The following SLC4A4 variants were observed in gnomAD, a reference collection of about 807,000 sequenced individuals.
SLC4A4 encodes the protein solute carrier family 4 member 4.
In SLC4A4, 27 loss-of-function variants were observed where a neutral mutation model predicts 111.5. That is an observed-to-expected ratio of 0.24 (90% confidence interval 0.18 to 0.33). The LOEUF is 0.33. Ranked by LOEUF, SLC4A4 falls within the 10% of genes least tolerant of loss-of-function variation. The pLI is 1.00. For missense variants in SLC4A4, 909 were observed against 1,315.5 expected (o/e 0.69, Z 4.78); for synonymous variants, 443 against 463.4 (o/e 0.96, Z 0.57).
intron 8 of SLC4A4, among the ~76,000 whole-genome samples, chr4:71,443,110 C>CTA (rs1560512879): frequency 8.9e-5 from 9 of 101,020 alleles, no homozygotes; most frequent in Non-Finnish European, 1.3e-4. Context: ...CTCTCTCTCT[C>CTA]TCTCTCTATA....
chr4:71,077,954 T>C (rs1057191062), intron 1 of SLC4A4, among the ~76,000 whole-genome samples: 1 of 152,164 alleles, frequency 6.6e-6, no homozygotes, highest in East Asian at 1.9e-4. Context: ...AATGAAAACA[T>C]ATTTATTTAA....
chr4:71,391,480 T>C (rs1719258449), intron 6 of SLC4A4, among the ~76,000 whole-genome samples: 2 of 152,104 alleles, frequency 1.3e-5, no homozygotes, highest in Non-Finnish European at 2.9e-5. Flanking sequence ...CAAAGGACTT[T>C]AAATTGCTAC....
intron 6 of SLC4A4, among the ~76,000 whole-genome samples, chr4:71,395,031 C>T (rs922672826): frequency 5.3e-5 from 8 of 152,054 alleles, no homozygotes; most frequent in Admixed American, 1.3e-4. Flanking sequence ...ACAGAACTTA[C>T]GTAGCCAAAT....
intron 2 of SLC4A4, among the ~76,000 whole-genome samples, chr4:71,121,893 A>G (rs1743439437): frequency 6.6e-6 from 1 of 151,898 alleles, no homozygotes; most frequent in African/African-American, 2.4e-5. Context: ...CTGCAGGTTC[A>G]CTCCTGAGGC....
At chr4:71,142,114 C>A (rs1190974780) in intron 2 of SLC4A4, among the ~76,000 whole-genome samples, 2 of 152,152 alleles carry the variant, frequency 1.3e-5, no homozygotes, top group South Asian at 2.1e-4. Flanking sequence ...AGTAAGAAAA[C>A]TTCTGATACA....
intron 1 of SLC4A4, among the ~76,000 whole-genome samples, chr4:71,067,669 T>C (rs1741555930): frequency 6.6e-6 from 1 of 152,186 alleles, no homozygotes; most frequent in East Asian, 1.9e-4. Flanking sequence ...CAGGCCTAAA[T>C]AGGTTGTGAC....
intron 2 of SLC4A4, among the ~76,000 whole-genome samples, chr4:71,178,690 C>T (rs6822401): frequency 9.2e-5 from 14 of 152,182 alleles, no homozygotes; most frequent in African/African-American, 3.1e-4. Context: ...CAATAACAGG[C>T]TCTGAAATTG....
At chr4:71,232,808 A>G (rs935149532) in intron 1 of SLC4A4, among the ~76,000 whole-genome samples, 2 of 152,252 alleles carry the variant, frequency 1.3e-5, no homozygotes, top group Non-Finnish European at 2.9e-5. Flanking sequence ...AAAGGCAACA[A>G]AAGACTTTAG....
At chr4:71,190,404 A>G (rs1191830696) in intron 1 of SLC4A4, among the ~76,000 whole-genome samples, 1 of 150,628 alleles carries the variant, frequency 6.6e-6, no homozygotes, top group Non-Finnish European at 1.5e-5. Flanking sequence ...ACACACACAC[A>G]CACACACACA....
At chr4:71,378,067 A>C (rs1408260529) in intron 6 of SLC4A4, among the ~76,000 whole-genome samples, 25 of 152,204 alleles carry the variant, frequency 1.6e-4, no homozygotes, top group Admixed American at 1.6e-3. Context: ...AGGAGAGACC[A>C]GTCCCCATGA....
At chr4:71,071,369 T>TA (rs1216460187) in intron 1 of SLC4A4, among the ~76,000 whole-genome samples, 1 of 152,102 alleles carries the variant, frequency 6.6e-6, no homozygotes, top group East Asian at 1.9e-4. Flanking sequence ...TCCTTGTTTT[T>TA]ATCTAGTAAT....
intron 2 of SLC4A4, among the ~76,000 whole-genome samples, chr4:71,103,235 T>C (rs1343432012): frequency 2.0e-5 from 3 of 150,072 alleles, no homozygotes; most frequent in Non-Finnish European, 4.5e-5. Flanking sequence ...CCTAAATATA[T>C]ATGCACCCAA....
In SLC4A4 at chr4:71,421,644, C is replaced by G. The variant is rs527962227; in HGVS notation, c.808-18972C>G. On this transcript the variant is annotated intron_variant, in intron 7 of 25. Transcript: ENST00000264485. ...AAATTATAACAAACGATCTCTCAGA[C>G]CACAATGCAATCAAACTAGAACTCA... is the stretch of plus-strand genomic sequence containing the variant. Among the ~76,000 whole-genome samples, 4 of 152,286 alleles carry G rather than the reference C, an allele frequency of 2.6e-5. No homozygotes were observed. The East Asian group carries it at 7.7e-4, about 29-fold the overall frequency.
At chr4:71,361,210 A>G (rs1225373710) in intron 6 of SLC4A4, among the ~76,000 whole-genome samples, 1 of 152,324 alleles carries the variant, frequency 6.6e-6, no homozygotes, top group Admixed American at 6.5e-5. Flanking sequence ...GCACACGTTC[A>G]TGTATAAATA....
At chr4:71,176,591 CAAAT>C (rs1745102778) in intron 2 of SLC4A4, among the ~76,000 whole-genome samples, 2 of 152,006 alleles carry the variant, frequency 1.3e-5, no homozygotes, top group South Asian at 4.1e-4. Context: ...GATGGAAGCT[CAAAT>C]GAATGAAATG....
intron 6 of SLC4A4, 102 bp downstream of exon 6, chr4:71,357,289 T>C (rs1487049461): frequency 3.3e-5 from 39 of 1,179,554 alleles, no homozygotes; most frequent in Non-Finnish European, 4.6e-5. Flanking sequence ...ATATTTTTTC[T>C]TTTCTTGAGT....
Position 71,267,796 on chromosome 4 carries a change from A to AAAAAAAAAAAG in SLC4A4, c.253+12407_253+12408insGAAAAAAAAAA, listed in dbSNP as rs1361775169. On this transcript the variant is annotated intron_variant, in intron 3 of 25. Transcript: ENST00000264485. Reference sequence around the variant, plus strand: ...ATGACAGAGTGAGAGTCTGCCAAAAAAAAAAAAAAAAAAAAAAAAAAAGAA... The same window carrying AAAAAAAAAAAG: ...ATGACAGAGTGAGAGTCTGCCAAAAAAAAAAAAAAAGAAAAAAAAAAAAAAAAAAAAAAGAA... Among the ~76,000 whole-genome samples the AAAAAAAAAAAG allele has an allele frequency of 8.7e-3, 367 of 42,310 alleles. 23 individuals carry two copies. Among genetic ancestry groups the AAAAAAAAAAAG allele is most frequent in the South Asian group, 0.024 (24 of 990 alleles). The allele number at this position is 42,310 out of a possible 152,430, so 27.8% of individuals were successfully genotyped here.
intron 5 of SLC4A4, among the ~76,000 whole-genome samples, chr4:71,353,286 C>G (rs192731631): frequency 3.3e-5 from 5 of 152,312 alleles, no homozygotes; most frequent in Admixed American, 2.0e-4. Context: ...TCATCACTCA[C>G]TAATATGTTT....
At chr4:71,107,928 C>T (rs1423890975) in intron 2 of SLC4A4, among the ~76,000 whole-genome samples, 3 of 152,056 alleles carry the variant, frequency 2.0e-5, no homozygotes, top group Admixed American at 1.3e-4. Flanking sequence ...TTCTCATTTC[C>T]TTTTGCATAT....
Sources: allele counts gnomAD v4.1 joint callset (sites outside exome capture counted in the v4.1 genomes callset), GRCh38; gene constraint gnomAD v4.1.1; transcripts MANE v1.5; gene names NCBI Gene and HGNC (gene_info 2026-07-23, HGNC 2026-07-21).